The following CCDC40 variants were observed in gnomAD, a reference collection of about 807,000 sequenced individuals.
CCDC40 encodes coiled-coil domain 40 molecular ruler complex subunit.
In CCDC40, 104 loss-of-function variants were observed where a neutral mutation model predicts 124.5. The observed-to-expected ratio is 0.84, with a 90% CI of 0.71 to 0.98. The LOEUF is 0.98. Ranked by LOEUF, CCDC40 falls within the 50% of genes least tolerant of loss-of-function variation. CCDC40 has a pLI of 0.00. For synonymous variants in CCDC40, 580 were observed against 602.9 expected (o/e 0.96, Z 0.56); for missense variants, 1,463 against 1,503.9 (o/e 0.97, Z 0.45).
Position 80,095,114 on chromosome 17 carries a change from T to C in CCDC40, c.2833-149T>C, listed in dbSNP as rs1017835987. Reference sequence around the variant, plus strand: ...CCAGGGCTGCTGCCTCCATGTCCCTTGTTCCTCCTGGCGGCACAGGCCTCA... The same window carrying C: ...CCAGGGCTGCTGCCTCCATGTCCCTCGTTCCTCCTGGCGGCACAGGCCTCA... On this transcript the variant is annotated intron_variant, in intron 17 of 19. Transcript: ENST00000397545. 5.4e-4 allele frequency: 393 copies of C among 733,736 alleles called. 2 individuals are homozygous for C. The highest frequency in any genetic ancestry group is 8.4e-4 in the Non-Finnish European group (355 of 421,320). The allele number at this position is 733,736 out of a possible 1,614,324, so 45.5% of individuals were successfully genotyped here. A position where few individuals can be genotyped will look rare whatever the true frequency, so the allele number is the denominator to read the frequency against.
intron 1 of CCDC40, among the ~76,000 whole-genome samples, chr17:80,036,999 A>G (rs1305143986): frequency 6.6e-6 from 1 of 151,986 alleles, no homozygotes; most frequent in Non-Finnish European, 1.5e-5. Flanking sequence ...TGCAGTCACC[A>G]TGGCAACCAC....
intron 10 of CCDC40, among the ~76,000 whole-genome samples, chr17:80,070,217 C>T (rs538762016): frequency 6.6e-6 from 1 of 152,316 alleles, no homozygotes; most frequent in East Asian, 1.9e-4. Context: ...CCAGTCACCA[C>T]CAATGCCCCA....
intron 6 of CCDC40, 28 bp from the exon 7 acceptor site, chr17:80,050,036 G>C (rs1293212045): frequency 6.2e-7 from 1 of 1,613,656 alleles, no homozygotes; most frequent in Non-Finnish European, 8.5e-7. Flanking sequence ...CCTGCGTCCT[G>C]GTGACCCTGT....
chr17:80,056,013 TATA>T (rs1427047041), intron 7 of CCDC40, among the ~76,000 whole-genome samples: 1 of 45,790 alleles, frequency 2.2e-5, no homozygotes, highest in Non-Finnish European at 4.3e-5. Context: ...TATATATATA[TATA>T]TTTTTTTTTT....
intron 10 of CCDC40, among the ~76,000 whole-genome samples, chr17:80,072,992 G>GTTTA (rs71947287): frequency 2.1e-5 from 3 of 141,882 alleles, no homozygotes; most frequent in Non-Finnish European, 4.4e-5. Context: ...GCTTTTGTTT[G>GTTTA]TTTGTTTGTT....
intron 9 of CCDC40, 104 bp from the exon 10 acceptor site, chr17:80,065,381 A>G: frequency 1.4e-6 from 2 of 1,476,722 alleles, no homozygotes; most frequent in Non-Finnish European, 1.9e-6. Context: ...CCGGTGATAG[A>G]AGGAAAAGAG....
At chr17:80,071,785 G>A (rs1411181400) in intron 10 of CCDC40, among the ~76,000 whole-genome samples, 2 of 151,844 alleles carry the variant, frequency 1.3e-5, no homozygotes, top group South Asian at 2.1e-4. Flanking sequence ...GCTGAGCCGG[G>A]GTGCCTGGCA....
At chr17:80,051,628 C>CAAAAAAAAAAAAAAA (rs200887220) in intron 7 of CCDC40, among the ~76,000 whole-genome samples, 3 of 94,148 alleles carry the variant, frequency 3.2e-5, no homozygotes, top group African/African-American at 8.0e-5. Context: ...GACTCCGTCT[C>CAAAAAAAAAAAAAAA]AAAAAAAAAA....
At chr17:80,094,407 G>A (rs1405292879) in intron 17 of CCDC40, among the ~76,000 whole-genome samples, 2 of 150,374 alleles carry the variant, frequency 1.3e-5, no homozygotes, top group East Asian at 4.0e-4. Flanking sequence ...AGGAGACTGT[G>A]TCTCAAAAAA....
At chr17:80,084,531 T>C (rs1477594077) in intron 12 of CCDC40, among the ~76,000 whole-genome samples, 2 of 152,152 alleles carry the variant, frequency 1.3e-5, no homozygotes, top group African/African-American at 4.8e-5. Context: ...ATGATCTCTC[T>C]TTTCTGTAAA....
At chr17:80,072,718 T>G (rs887752275) in intron 10 of CCDC40, among the ~76,000 whole-genome samples, 2 of 152,212 alleles carry the variant, frequency 1.3e-5, no homozygotes, top group Admixed American at 6.5e-5. Flanking sequence ...CTTGGCATCA[T>G]GCTTTTGAGA....
At chr17:80,084,385 TG>T (rs2038529589) in intron 12 of CCDC40, among the ~76,000 whole-genome samples, 1 of 152,124 alleles carries the variant, frequency 6.6e-6, no homozygotes, top group Non-Finnish European at 1.5e-5. Flanking sequence ...GAGAACAGCA[TG>T]GGGGTAGCGG....
At chr17:80,056,438 G>A (rs894862344) in intron 7 of CCDC40, among the ~76,000 whole-genome samples, 26 of 151,660 alleles carry the variant, frequency 1.7e-4, no homozygotes, top group African/African-American at 6.3e-4. Context: ...TGGGCAATGC[G>A]GCAAAACCCC....
intron 10 of CCDC40, chr17:80,067,381 G>A: frequency 1.7e-6 from 1 of 599,810 alleles, no homozygotes; most frequent in East Asian, 2.8e-5. Context: ...GGGATCCCCT[G>A]CCTAACTTGT....
chr17:80,053,100 G>C (rs1156327879), intron 7 of CCDC40, among the ~76,000 whole-genome samples: 4 of 152,206 alleles, frequency 2.6e-5, no homozygotes, highest in Non-Finnish European at 5.9e-5. Flanking sequence ...TGTCCGAAAG[G>C]GAGATTTCAG....
intron 17 of CCDC40, chr17:80,090,240 TG>T: frequency 3.4e-6 from 3 of 879,708 alleles, no homozygotes; most frequent in South Asian, 2.1e-5. Flanking sequence ...CGCAGGCACG[TG>T]CACGAACAAC....
Position 80,058,970 on chromosome 17 carries a change from C to T in CCDC40, c.1430C>T (p.Ala477Val). 1.2e-6 allele frequency: 2 copies of T among 1,614,196 alleles called. No homozygotes were observed. Among genetic ancestry groups the T allele is most frequent in the Non-Finnish European group, 1.7e-6 (2 of 1,180,036 alleles). The change falls in exon 9 of 20, where the codon GCA becomes GTA. Residue 477 changes from alanine (A) to valine (V), a missense_variant. Coordinates refer to ENST00000397545, the MANE Select transcript of CCDC40 (RefSeq NM_017950.4). This position sits in a 1 kb window ranked among gnomAD's most constrained non-coding sequence, Gnocchi z 4.2. ...QAEDTRILRK[A>V]VSEACTEIDA... is the part of the protein sequence containing the mutation. ...GAGGACACCCGGATTTTAAGGAAAG[C>T]AGTGAGTGAGGTAAAAGCAGTCCCC...
At chr17:80,084,656 C>G in intron 12 of CCDC40, 87 bp from the exon 13 acceptor site, 1 of 1,517,314 alleles carries the variant, frequency 6.6e-7, no homozygotes, top group South Asian at 1.1e-5. Context: ...AGGAACATCC[C>G]GACCGTCAGG....
At chr17:80,048,849 C>A (rs141718220) in intron 5 of CCDC40, 88 bp downstream of exon 5, 99 of 1,187,300 alleles carry the variant, frequency 8.3e-5, no homozygotes, top group Non-Finnish European at 1.1e-4. Flanking sequence ...TCTCCCACTC[C>A]TGACCCTAAA....
Sources: allele counts gnomAD v4.1 joint callset (sites outside exome capture counted in the v4.1 genomes callset), GRCh38; gene constraint gnomAD v4.1.1; non-coding constraint Gnocchi (gnomAD v3.1); transcripts MANE v1.5; gene names NCBI Gene and HGNC (gene_info 2026-07-23, HGNC 2026-07-21).